Variants in CXXC4 observed in about 807,000 individuals in gnomAD.
The protein encoded by CXXC4 is CXXC-type zinc finger protein 4.
Under a neutral mutation model 20.5 loss-of-function variants are expected in CXXC4, and 5 were observed. The observed-to-expected ratio is 0.24, with a 90% CI of 0.13 to 0.51. CXXC4 has a LOEUF of 0.51. Among genes scored for constraint, CXXC4 ranks in the 20% least tolerant of loss-of-function variants. The probability of loss-of-function intolerance (pLI) is 0.97; values close to 1 mark genes in which losing one functional copy is unlikely to be tolerated. For synonymous variants in CXXC4, 250 were observed against 216.4 expected (o/e 1.16, Z -1.36); for missense variants, 419 against 496.4 (o/e 0.84, Z 1.48).
Position 104,491,356 on chromosome 4 carries a change from G to C in CXXC4, c.447C>G (p.Ser149=). 1 of 1,519,296 alleles carries C rather than the reference G, an allele frequency of 6.6e-7. No homozygotes were observed. The highest frequency in any genetic ancestry group is 8.8e-7 in the Non-Finnish European group (1 of 1,136,980). 94.1% of individuals were successfully genotyped at this position (1,519,296 alleles called of 1,614,324 possible). The part of the protein sequence containing the change: ...SAAASSSASS[S]SAILPAGGGG... The stretch of plus-strand genomic sequence containing the variant: ...CACCGCCGGCGGGGAGGATCGCCGA[G>C]GAGGAGGAGGCGGAGGAGGAGGCGG... Residue 149 remains serine, a synonymous_variant, in exon 2 of 3, where the codon TCC becomes TCG. Transcript: ENST00000394767.
intron 2 of CXXC4, among the ~76,000 whole-genome samples, chr4:104,488,624 T>C (rs922017656): frequency 6.6e-6 from 1 of 152,202 alleles, no homozygotes; most frequent in Admixed American, 6.5e-5. Context: ...CCCCACCTTG[T>C]GAAGAGTAAC....
In CXXC4 at chr4:104,490,955, T is replaced by C; in HGVS notation, c.848A>G (p.Asn283Ser). 1.2e-6 allele frequency: 2 copies of C among 1,613,874 alleles called. No individual in the cohort carries two copies. The highest frequency in any genetic ancestry group is 1.7e-6 in the Non-Finnish European group (2 of 1,179,974). ...QIANLADCPQ[N>S]HSSSSSSSSG... ...GGAGGACGAGGAGGAGGAGGAATGATTCTGCGGGCAGTCTGCCAGATTGGC... is the reference window on the plus strand; with the variant it reads ...GGAGGACGAGGAGGAGGAGGAATGACTCTGCGGGCAGTCTGCCAGATTGGC... Residue 283 changes from asparagine to serine, a missense_variant, in exon 2 of 3, where the codon AAT (asparagine) becomes AGT (serine). By Grantham distance (46) the Asn-to-Ser change is conservative. Coordinates refer to ENST00000394767, the MANE Select transcript of CXXC4 (RefSeq NM_025212.4).
intron 2 of CXXC4, among the ~76,000 whole-genome samples, chr4:104,483,820 T>G (rs1027247285): frequency 3.9e-5 from 6 of 151,924 alleles, no homozygotes; most frequent in Non-Finnish European, 5.9e-5. Flanking sequence ...ATATAAAAAT[T>G]AATAGTGGTG....
In CXXC4 at chr4:104,472,203, C is replaced by T. The variant is rs1380118394; in HGVS notation, c.*119G>A. 2.1e-5 allele frequency: 10 copies of T among 479,588 alleles called. No homozygotes were observed. Among genetic ancestry groups the T allele is most frequent in the South Asian group, 1.6e-4 (3 of 18,760 alleles). The allele number at this position is 479,588 out of a possible 1,614,324, so 29.7% of individuals were successfully genotyped here. On this transcript the variant is annotated 3_prime_UTR_variant, in exon 3 of 3. Transcript: ENST00000394767. ...TTTTTTTTTTGAAGAAAGCCCTATA[C>T]ATAAAATGAAAATAATTTCTGGATA... is the stretch of plus-strand genomic sequence containing the variant.
At position 104,490,736 on chromosome 4, in the gene CXXC4, C is replaced by T. The variant is rs1736825934; in HGVS notation, c.1059+8G>A. ...GAGACTGGGAAACAAGAAATCATCT[C>T]CTCTGACCTCTAGTGAAGTGCCAGG... On this transcript the variant is annotated splice_region_variant and intron_variant, in intron 2 of 2. Coordinates refer to ENST00000394767, the MANE Select transcript of CXXC4 (RefSeq NM_025212.4). The T allele has an allele frequency of 6.2e-7, 1 of 1,605,236 alleles. No homozygotes were observed. The highest frequency in any genetic ancestry group is 1.7e-5 in the Admixed American group (1 of 59,458).
At position 104,491,345 on chromosome 4, in the gene CXXC4, A is replaced by T; in HGVS notation, c.458T>A (p.Leu153His). The T allele has an allele frequency of 6.6e-7, 1 of 1,505,344 alleles. No individual in the cohort carries two copies. Among genetic ancestry groups the T allele is most frequent in the South Asian group, 1.3e-5 (1 of 79,944 alleles). 93.2% of individuals were successfully genotyped at this position (1,505,344 alleles called of 1,614,324 possible). Residue 153 changes from leucine to histidine, a missense_variant, in exon 2 of 3, where the codon CTC (leucine) becomes CAC (histidine). Coordinates refer to ENST00000394767, the MANE Select transcript of CXXC4 (RefSeq NM_025212.4). The stretch of plus-strand genomic sequence containing the variant: ...GCCGCCGCCGCCACCGCCGGCGGGG[A>T]GGATCGCCGAGGAGGAGGAGGCGGA... ...SSSASSSSAI[L>H]PAGGGGGGGG... is the part of the protein sequence containing the mutation.
At chr4:104,485,026 C>A (rs547000641) in intron 2 of CXXC4, among the ~76,000 whole-genome samples, 13 of 152,030 alleles carry the variant, frequency 8.6e-5, no homozygotes, top group African/African-American at 3.1e-4. Context: ...CACTGATGCA[C>A]AAATGAAGGA....
chr4:104,490,927 T>TGAGGAGGAC lies in CXXC4; in HGVS notation c.867_875dup (p.Ser290_Ser292dup), dbSNP rs1390777208. On this transcript the variant is annotated inframe_insertion, in exon 2 of 3. Transcript: ENST00000394767. ...CTGGGTTGGCTCCGCCAGCTCCCCC[T>TGAGGAGGAC]GAGGAGGACGAGGAGGAGGAGGAAT... 2.5e-6 allele frequency: 4 copies of TGAGGAGGAC among 1,613,906 alleles called. No individual in the cohort carries two copies. The highest frequency in any genetic ancestry group is 4.5e-5 in the East Asian group (2 of 44,858).
intron 2 of CXXC4, among the ~76,000 whole-genome samples, chr4:104,482,980 T>C (rs1464080085): frequency 6.6e-6 from 1 of 152,076 alleles, no homozygotes; most frequent in Non-Finnish European, 1.5e-5. Flanking sequence ...TTCTCAAGAA[T>C]GTTTTCTAAA....
chr4:104,493,675 G>A (rs1453712287), intron 1 of CXXC4, among the ~76,000 whole-genome samples: 4 of 152,140 alleles, frequency 2.6e-5, no homozygotes, highest in Admixed American at 2.6e-4. Flanking sequence ...CTGTGGTTTC[G>A]CATTAGGGAA....
chr4:104,493,826 G>T (rs1410450837), intron 1 of CXXC4, among the ~76,000 whole-genome samples: 2 of 152,190 alleles, frequency 1.3e-5, no homozygotes, highest in African/African-American at 4.8e-5. Flanking sequence ...GAATCACATT[G>T]TAACTGCAAG....
In CXXC4 at chr4:104,491,416, CCCGCCCCCGCCTCCGCCGCCGCCG is replaced by C. The variant is rs1373465199; in HGVS notation, c.363_386del (p.Gly127_Gly134del). 3.9e-6 allele frequency: 4 copies of C among 1,024,622 alleles called. No individual in the cohort carries two copies. Among genetic ancestry groups the C allele is most frequent in the Non-Finnish European group, 4.9e-6 (4 of 810,570 alleles). 63.5% of individuals were successfully genotyped at this position (1,024,622 alleles called of 1,614,324 possible). A position where few individuals can be genotyped will look rare whatever the true frequency, so the allele number is the denominator to read the frequency against. ...AGGATTTCCTGCCGCCCCCACCACC[CCCGCCCCCGCCTCCGCCGCCGCCG>C]CCGCCGCCGCCACCCCCCCCGCCGC... On this transcript the variant is annotated inframe_deletion, in exon 2 of 3. Coordinates refer to ENST00000394767, the MANE Select transcript of CXXC4 (RefSeq NM_025212.4).
At chr4:104,483,171 C>T (rs769440273) in intron 2 of CXXC4, among the ~76,000 whole-genome samples, 1 of 151,866 alleles carries the variant, frequency 6.6e-6, no homozygotes, top group Non-Finnish European at 1.5e-5. Flanking sequence ...TCTGCCACTC[C>T]ACTCAAGCCT....
intron 1 of CXXC4, among the ~76,000 whole-genome samples, chr4:104,492,263 C>G (rs940036277): frequency 7.2e-6 from 1 of 139,666 alleles, no homozygotes; most frequent in Non-Finnish European, 1.5e-5. Context: ...CCACAGCAAA[C>G]CACAGCTCCT....
intron 2 of CXXC4, among the ~76,000 whole-genome samples, chr4:104,479,944 A>T (rs981422433): frequency 6.6e-6 from 1 of 152,128 alleles, no homozygotes; most frequent in African/African-American, 2.4e-5. Flanking sequence ...AAATAATAAA[A>T]TTGAAAAGTA....
rs1736175193 is a variant in CXXC4, at chr4:104,468,389, T to G, written c.*3933A>C. 1.1e-5 allele frequency: 1 copy of G among 93,546 alleles called. No homozygotes were observed. The highest frequency in any genetic ancestry group is 6.0e-5 in the African/African-American group (1 of 16,632). The allele number at this position is 93,546 out of a possible 1,614,324, so 5.8% of individuals were successfully genotyped here. A position where few individuals can be genotyped will look rare whatever the true frequency, so the allele number is the denominator to read the frequency against. On this transcript the variant is annotated 3_prime_UTR_variant, in exon 3 of 3. Transcript: ENST00000394767. ...ACTGGGCAAATTGAATGTGATTTTT[T>G]TTACTTTTTTTTTTTTTTTACAGTT...
chr4:104,486,941 C>T (rs1248939891), intron 2 of CXXC4, among the ~76,000 whole-genome samples: 1 of 152,182 alleles, frequency 6.6e-6, no homozygotes, highest in South Asian at 2.1e-4. Flanking sequence ...ACAGCGTAAA[C>T]AATATGTCCC....
rs747566772 is a variant in CXXC4 at position 104,491,113 on chromosome 4, G to C, written c.690C>G (p.Pro230=). 1 of 1,614,084 alleles carries C rather than the reference G, an allele frequency of 6.2e-7. No homozygotes were observed. The highest frequency in any genetic ancestry group is 1.1e-5 in the South Asian group (1 of 91,084). Residue 230 remains proline (P), a synonymous_variant, in exon 2 of 3, where the codon CCC becomes CCG. Coordinates refer to ENST00000394767, the MANE Select transcript of CXXC4 (RefSeq NM_025212.4). ...GAAEAEIMNL[P]ERVGTFSAIP... ...TAGCGGAAAAAGTCCCCACGCGCTC[G>C]GGGAGATTCATTATCTCTGCTTCAG...
At position 104,473,129 on chromosome 4, in the gene CXXC4, G is replaced by T. The variant is rs539265766; in HGVS notation, c.1060-763C>A. ...ATTCAGTTAAGTAATTTATTCTGCA[G>T]ATTTTCTGACAGAATAATAACAAAT... On this transcript the variant is annotated intron_variant, in intron 2 of 2. Transcript: ENST00000394767. Among the ~76,000 whole-genome samples the T allele has an allele frequency of 5.7e-5, 8 of 141,480 alleles. No homozygotes were observed. The Middle Eastern group carries it at 0.01, about 186-fold the overall frequency. 92.8% of individuals were successfully genotyped at this position (141,480 alleles called of 152,430 possible).
Sources: gnomAD v4.1 joint callset for allele counts (sites outside exome capture counted in the v4.1 genomes callset) on GRCh38, gnomAD v4.1.1 for gene constraint, MANE v1.5 for transcripts, NCBI Gene and HGNC (gene_info 2026-07-23, HGNC 2026-07-21) for gene names.